The following EPHA5 variants were observed in gnomAD, a reference collection of about 807,000 sequenced individuals.
EPHA5 encodes ephrin type-A receptor 5.
Under a neutral mutation model 105.0 loss-of-function variants are expected in EPHA5, and 60 were observed. That is an observed-to-expected ratio of 0.57 (90% CI 0.46 to 0.71). The LOEUF (loss-of-function observed/expected upper bound fraction) is 0.71, where lower values mean the gene tolerates loss of function less well. Among genes scored for constraint, EPHA5 ranks in the 30% least tolerant of loss-of-function variants. The pLI, the probability that EPHA5 is intolerant of heterozygous loss-of-function variation, is 0.00. For synonymous variants in EPHA5, 513 were observed against 449.1 expected (o/e 1.14, Z -1.80); for missense variants, 1,218 against 1,274.7 (o/e 0.96, Z 0.68).
chr4:65,620,515 A>G (rs533303607), intron 2 of EPHA5, among the ~76,000 whole-genome samples: 8 of 152,298 alleles, frequency 5.3e-5, no homozygotes, highest in Middle Eastern at 3.4e-3. Flanking sequence ...GGAAATATAC[A>G]TATACATATT....
At chr4:65,371,507 A>G (rs761123962) in intron 8 of EPHA5, among the ~76,000 whole-genome samples, 5 of 152,120 alleles carry the variant, frequency 3.3e-5, no homozygotes, top group Non-Finnish European at 7.4e-5. Context: ...TTGGATATTT[A>G]AGAATTTCAT....
At chr4:65,401,297 G>A (rs1376412) in intron 8 of EPHA5, among the ~76,000 whole-genome samples, 82,336 of 151,794 alleles carry the variant, frequency 0.54, 24,716 homozygotes, top group South Asian at 0.69. Context: ...GTACTGCAGG[G>A]TGAGTTATAT....
chr4:65,455,291 A>G (rs892161086), intron 5 of EPHA5, among the ~76,000 whole-genome samples: 1 of 152,128 alleles, frequency 6.6e-6, no homozygotes, highest in Non-Finnish European at 1.5e-5. Flanking sequence ...CTAAAAAATG[A>G]AAATTATGTT....
chr4:65,444,362 T>C (rs1726311739), intron 5 of EPHA5, among the ~76,000 whole-genome samples: 2 of 152,208 alleles, frequency 1.3e-5, no homozygotes, highest in South Asian at 4.1e-4. Context: ...ATAATATTAT[T>C]GTAGATACAA....
At chr4:65,493,257 C>T (rs755210006) in intron 4 of EPHA5, among the ~76,000 whole-genome samples, 5 of 152,072 alleles carry the variant, frequency 3.3e-5, no homozygotes, top group East Asian at 1.9e-4. Context: ...AGATATGATG[C>T]GTCAACCAAA....
intron 3 of EPHA5, among the ~76,000 whole-genome samples, chr4:65,544,043 C>G (rs748739977): frequency 6.6e-6 from 1 of 151,878 alleles, no homozygotes; most frequent in Non-Finnish European, 1.5e-5. Flanking sequence ...GAAACTGGAC[C>G]CCTTCTTTAC....
chr4:65,425,208 T>C (rs1724312938), intron 5 of EPHA5, among the ~76,000 whole-genome samples: 1 of 151,740 alleles, frequency 6.6e-6, no homozygotes, highest in Non-Finnish European at 1.5e-5. Flanking sequence ...ACTTTCCAAC[T>C]GAAGTCCCTA....
At chr4:65,535,871 T>C (rs1197236402) in intron 3 of EPHA5, among the ~76,000 whole-genome samples, 1 of 152,030 alleles carries the variant, frequency 6.6e-6, no homozygotes, top group East Asian at 1.9e-4. Flanking sequence ...GAAATAAGTC[T>C]AATTAATATT....
At chr4:65,392,887 A>C (rs1720863512) in intron 8 of EPHA5, among the ~76,000 whole-genome samples, 1 of 152,168 alleles carries the variant, frequency 6.6e-6, no homozygotes, top group South Asian at 2.1e-4. Context: ...TATGTAGGAA[A>C]GCCACAGAAG....
intron 8 of EPHA5, among the ~76,000 whole-genome samples, chr4:65,400,254 C>G (rs867204801): frequency 6.6e-6 from 1 of 152,184 alleles, no homozygotes; most frequent in South Asian, 2.1e-4. Context: ...ATAAAAGAGA[C>G]AGATTAAAGG....
chr4:65,414,546 A>G (rs1261065171), intron 6 of EPHA5, 103 bp from the exon 7 acceptor site: 3 of 1,214,516 alleles, frequency 2.5e-6, no homozygotes, highest in Non-Finnish European at 3.5e-6. Flanking sequence ...AAACCAAAGG[A>G]CTCTATTAGT....
intron 5 of EPHA5, among the ~76,000 whole-genome samples, chr4:65,431,543 G>A (rs2149064082): frequency 6.6e-6 from 1 of 151,594 alleles, no homozygotes. Flanking sequence ...CTTTTAACAG[G>A]TCTTCCCACC....
At chr4:65,401,192 G>A (rs1721785200) in intron 8 of EPHA5, among the ~76,000 whole-genome samples, 1 of 151,928 alleles carries the variant, frequency 6.6e-6, no homozygotes, top group African/African-American at 2.4e-5. Context: ...CTCAAATATA[G>A]TTTCCCAAAT....
chr4:65,505,442 C>G (rs1023807093), intron 3 of EPHA5, among the ~76,000 whole-genome samples: 5 of 151,846 alleles, frequency 3.3e-5, no homozygotes, highest in African/African-American at 1.2e-4. Flanking sequence ...TTAATAAATC[C>G]AGTTTCTTGT....
intron 8 of EPHA5, among the ~76,000 whole-genome samples, chr4:65,403,341 A>C (rs766012118): frequency 6.6e-6 from 1 of 152,158 alleles, no homozygotes; most frequent in Non-Finnish European, 1.5e-5. Flanking sequence ...GAACGGTAAC[A>C]AAATCAATAT....
At position 65,609,662 on chromosome 4, in the gene EPHA5, G is replaced by T. The variant is rs147756718; in HGVS notation, c.247-7358C>A. On this transcript the variant is annotated intron_variant, in intron 2 of 16. Transcript: ENST00000613740. ...ATCAGTTTTTTTTTTTTCATTCAATGTTGTCATTGTATTTTTTCAAAAACG... is the reference window on the plus strand; with the variant it reads ...ATCAGTTTTTTTTTTTTCATTCAATTTTGTCATTGTATTTTTTCAAAAACG... Among the ~76,000 whole-genome samples the T allele has an allele frequency of 2.3e-3, 324 of 140,976 alleles. 1 individual carries two copies. The highest frequency in any genetic ancestry group is 7.8e-3 in the African/African-American group (300 of 38,392). 92.5% of individuals were successfully genotyped at this position (140,976 alleles called of 152,430 possible).
At chr4:65,389,438 G>GT (rs1239713852) in intron 8 of EPHA5, among the ~76,000 whole-genome samples, 2 of 151,774 alleles carry the variant, frequency 1.3e-5, no homozygotes, top group African/African-American at 4.8e-5. Context: ...CTTTTACATT[G>GT]TATGTGTAAT....
chr4:65,561,380 T>C lies in EPHA5; in HGVS notation c.910+40261A>G, dbSNP rs1275938592. Among the ~76,000 whole-genome samples the C allele has an allele frequency of 1.6e-4, 18 of 115,292 alleles. No individual in the cohort carries two copies. In the Admixed American group the frequency reaches 2.0e-3, roughly 13 times the overall value. 75.6% of individuals were successfully genotyped at this position (115,292 alleles called of 152,430 possible). The stretch of plus-strand genomic sequence containing the variant: ...CTGATGTTATTCACAGTCATAGGCA[T>C]ATAGGGTATCCAGGGTAGTCTCTCA... On this transcript the variant is annotated intron_variant, in intron 3 of 16. Transcript: ENST00000613740.
At chr4:65,495,606 T>G in intron 3 of EPHA5, 63 bp from the exon 4 acceptor site, 1 of 1,395,528 alleles carries the variant, frequency 7.2e-7, no homozygotes, top group South Asian at 1.4e-5. Context: ...GTTTTGTGAA[T>G]AATGTCATTA....
Sources: allele counts gnomAD v4.1 joint callset (sites outside exome capture counted in the v4.1 genomes callset), GRCh38; gene constraint gnomAD v4.1.1; transcripts MANE v1.5; gene names NCBI Gene and HGNC (gene_info 2026-07-23, HGNC 2026-07-21).